The following AGTPBP1 variants were observed in gnomAD, a reference collection of about 807,000 sequenced individuals.
AGTPBP1 encodes the protein cytosolic carboxypeptidase 1.
A neutral mutation model predicts 143.9 loss-of-function variants in AGTPBP1; 70 were observed. The observed-to-expected ratio is 0.49, with a 90% CI of 0.40 to 0.59. The LOEUF (loss-of-function observed/expected upper bound fraction) is 0.59, where lower values mean the gene tolerates loss of function less well. Ranked by LOEUF, AGTPBP1 falls within the 20% of genes least tolerant of loss-of-function variation. The pLI, the probability that AGTPBP1 is intolerant of heterozygous loss-of-function variation, is 0.00. For missense variants in AGTPBP1, 1,229 were observed against 1,464.5 expected, an observed-to-expected ratio of 0.84 and a Z score of 2.62; for synonymous variants, 463 against 500.2, an observed-to-expected ratio of 0.93 and a Z score of 0.99.
chr9:85,680,919 A>G (rs1160429979), intron 4 of AGTPBP1, among the ~76,000 whole-genome samples: 1 of 152,252 alleles, frequency 6.6e-6, no homozygotes, highest in East Asian at 1.9e-4. Context: ...GTTTTAAGCT[A>G]AAGATTTATT....
At chr9:85,749,975 A>G in the AGTPBP1 span, among the ~76,000 whole-genome samples, 330 of 150,608 alleles carry the variant, frequency 2.2e-3, 1 homozygote, top group African/African-American at 7.1e-3. Context: ...TCTGCCTCCC[A>G]GGTTCATGCC....
chr9:85,615,983 G>GA (rs1211033686), intron 17 of AGTPBP1, among the ~76,000 whole-genome samples: 1 of 147,514 alleles, frequency 6.8e-6, no homozygotes, highest in African/African-American at 2.6e-5. Context: ...TTAATAACCA[G>GA]AAAAAAATGC....
intron 17 of AGTPBP1, among the ~76,000 whole-genome samples, chr9:85,602,224 A>G (rs892256363): frequency 6.6e-6 from 1 of 152,202 alleles, no homozygotes; most frequent in African/African-American, 2.4e-5. Flanking sequence ...GATACAAGAG[A>G]ACACAGATAA....
At chr9:85,583,060 A>G (rs1828376075) in intron 23 of AGTPBP1, among the ~76,000 whole-genome samples, 1 of 152,186 alleles carries the variant, frequency 6.6e-6, no homozygotes, top group East Asian at 1.9e-4. Context: ...TGACAATGGA[A>G]GCAGAGGTCA....
intron 12 of AGTPBP1, among the ~76,000 whole-genome samples, chr9:85,645,067 T>G (rs369707896): frequency 1.2e-4 from 18 of 152,268 alleles, no homozygotes; most frequent in Middle Eastern, 3.4e-3. Context: ...CTCCACCTCT[T>G]ATAAACTAGA....
chr9:85,568,023 A>T (rs1160700918), intron 25 of AGTPBP1, among the ~76,000 whole-genome samples: 1 of 152,214 alleles, frequency 6.6e-6, no homozygotes, highest in Non-Finnish European at 1.5e-5. Flanking sequence ...TAAAATCTTA[A>T]AGAAGTGGAG....
At chr9:85,755,447 C>CT in the AGTPBP1 span, among the ~76,000 whole-genome samples, 2 of 151,854 alleles carry the variant, frequency 1.3e-5, no homozygotes, top group Non-Finnish European at 2.9e-5. Context: ...TTGTTTTTTT[C>CT]TTTTTTTAAA....
chr9:85,671,242 G>A (rs1314332452), intron 7 of AGTPBP1, among the ~76,000 whole-genome samples: 2 of 152,032 alleles, frequency 1.3e-5, no homozygotes, highest in African/African-American at 4.8e-5. Context: ...GACTGTACCA[G>A]TGTATTTTAT....
intron 25 of AGTPBP1, among the ~76,000 whole-genome samples, chr9:85,564,125 G>A (rs1051989932): frequency 6.6e-6 from 1 of 152,236 alleles, no homozygotes; most frequent in Admixed American, 6.5e-5. Context: ...AAAGCCATGG[G>A]GGCAGGACTG....
rs377237093 is a variant in AGTPBP1, at chr9:85,665,874, T to A, written c.662+3611A>T. Among the ~76,000 whole-genome samples, 5 of 152,178 alleles carry A rather than the reference T, an allele frequency of 3.3e-5. No individual in the cohort carries two copies. The East Asian group carries it at 9.6e-4, about 29-fold the overall frequency. On this transcript the variant is annotated intron_variant, in intron 8 of 25. Coordinates refer to ENST00000357081, the MANE Select transcript of AGTPBP1 (RefSeq NM_001330701.2). ...TTGTAAATTTTTACCAAATGTTATT[T>A]AAGAGTTATTTTTAGAACTTTACCA... is the stretch of plus-strand genomic sequence containing the variant.
At chr9:85,788,063 A>G in the AGTPBP1 span, 1 of 152,130 alleles carries the variant, frequency 6.6e-6, no homozygotes, top group South Asian at 2.1e-4. Flanking sequence ...CCAAAACAAA[A>G]CAAACTTATA....
intron 2 of AGTPBP1, among the ~76,000 whole-genome samples, chr9:85,712,081 T>C (rs376440228): frequency 6.6e-6 from 1 of 151,948 alleles, no homozygotes; most frequent in Non-Finnish European, 1.5e-5. Flanking sequence ...CTGGACAACA[T>C]AGTGAAACCC....
At chr9:85,649,477 T>C (rs2133883091) in intron 11 of AGTPBP1, among the ~76,000 whole-genome samples, 1 of 152,306 alleles carries the variant, frequency 6.6e-6, no homozygotes, top group Middle Eastern at 3.4e-3. Context: ...TTTTTACAAT[T>C]GATTTGCTTG....
intron 4 of AGTPBP1, among the ~76,000 whole-genome samples, chr9:85,678,961 G>A (rs998008480): frequency 2.0e-5 from 3 of 152,028 alleles, no homozygotes; most frequent in Non-Finnish European, 4.4e-5. Flanking sequence ...CCATTATATG[G>A]CTATATCACC....
At chr9:85,556,536 A>T (rs1330065429) in intron 25 of AGTPBP1, among the ~76,000 whole-genome samples, 2 of 152,194 alleles carry the variant, frequency 1.3e-5, no homozygotes, top group Non-Finnish European at 2.9e-5. Flanking sequence ...TTAAAAGACA[A>T]AGATGACTAA....
At chr9:85,639,401 A>T (rs1267072228) in intron 13 of AGTPBP1, among the ~76,000 whole-genome samples, 1 of 151,890 alleles carries the variant, frequency 6.6e-6, no homozygotes, top group African/African-American at 2.4e-5. Flanking sequence ...ACACACACAT[A>T]TGAAAAGAAT....
chr9:85,689,925 AATATATAT>A (rs1554726691), intron 3 of AGTPBP1, among the ~76,000 whole-genome samples: 16 of 72,498 alleles, frequency 2.2e-4, no homozygotes, highest in African/African-American at 1.1e-3. Context: ...AAAAAAAAAA[AATATATAT>A]ATATATATAT....
At chr9:85,777,716 A>C in the AGTPBP1 span, among the ~76,000 whole-genome samples, 1 of 152,154 alleles carries the variant, frequency 6.6e-6, no homozygotes. Flanking sequence ...TCTTCCCCAA[A>C]ATTCTTTTGT....
At chr9:85,551,459 T>C (rs1206125957) in intron 25 of AGTPBP1, among the ~76,000 whole-genome samples, 2 of 152,244 alleles carry the variant, frequency 1.3e-5, no homozygotes, top group Admixed American at 1.3e-4. Flanking sequence ...CACTCATTTG[T>C]GTGCCTATAT....
Sources: gnomAD v4.1 joint callset for allele counts (sites outside exome capture counted in the v4.1 genomes callset) on GRCh38, gnomAD v4.1.1 for gene constraint, MANE v1.5 for transcripts, NCBI Gene and HGNC (gene_info 2026-07-23, HGNC 2026-07-21) for gene names.